Variants in STK10 observed in about 807,000 individuals in gnomAD.
STK10 encodes the protein serine/threonine-protein kinase 10.
A neutral mutation model predicts 113.8 loss-of-function variants in STK10; 78 were observed. The observed-to-expected ratio is 0.69, with a 90% CI of 0.57 to 0.83. STK10 has a LOEUF of 0.83. Among genes scored for constraint, STK10 ranks in the 40% least tolerant of loss-of-function variants. The pLI is 0.00. For synonymous variants in STK10, 465 were observed against 494.7 expected (o/e 0.94, Z 0.80); for missense variants, 1,109 against 1,280.1 (o/e 0.87, Z 2.04).
At chr5:172,138,701 A>C (rs13355465) in intron 2 of STK10, among the ~76,000 whole-genome samples, 2 of 152,154 alleles carry the variant, frequency 1.3e-5, no homozygotes, top group African/African-American at 4.8e-5. Flanking sequence ...ACTGAAAACT[A>C]TAAATTGTTG....
chr5:172,143,941 A>C (rs1453356222), intron 2 of STK10, among the ~76,000 whole-genome samples: 1 of 152,250 alleles, frequency 6.6e-6, no homozygotes, highest in Non-Finnish European at 1.5e-5. Flanking sequence ...AACAGAGATG[A>C]CAGCCAGATT....
intron 12 of STK10, among the ~76,000 whole-genome samples, chr5:172,071,285 T>TA (rs113372968): frequency 0.078 from 3,141 of 40,518 alleles, 77 homozygotes; most frequent in Non-Finnish European, 0.1. Context: ...ATGAAAAGTT[T>TA]AAAAAAAAAA....
chr5:172,088,865 G>A (rs567929978), intron 10 of STK10, among the ~76,000 whole-genome samples: 6 of 152,310 alleles, frequency 3.9e-5, no homozygotes, highest in African/African-American at 9.6e-5. Flanking sequence ...AGGGTCTCCC[G>A]AAGGAGGGCT....
chr5:172,121,906 C>G (rs914046613), intron 3 of STK10, among the ~76,000 whole-genome samples: 1 of 151,632 alleles, frequency 6.6e-6, no homozygotes, highest in Non-Finnish European at 1.5e-5. Flanking sequence ...GTCTCTGTCA[C>G]CCAGGCTGGA....
intron 10 of STK10, among the ~76,000 whole-genome samples, chr5:172,086,798 C>T (rs77300246): frequency 0.11 from 17,105 of 152,184 alleles, 1,091 homozygotes; most frequent in African/African-American, 0.16. Flanking sequence ...AATCCCGGTT[C>T]CTGCCGAGCA....
intron 7 of STK10, among the ~76,000 whole-genome samples, chr5:172,102,264 T>C (rs1278292729): frequency 1.3e-5 from 2 of 152,040 alleles, no homozygotes; most frequent in South Asian, 2.1e-4. Flanking sequence ...GATTTCCTGA[T>C]AGGTGGGCTA....
intron 1 of STK10, among the ~76,000 whole-genome samples, chr5:172,166,762 C>G (rs1225527139): frequency 1.3e-5 from 2 of 152,166 alleles, no homozygotes; most frequent in Non-Finnish European, 2.9e-5. Context: ...GAAACTGATT[C>G]AATCTTTCAA....
intron 7 of STK10, 77 bp from the exon 8 acceptor site, chr5:172,096,637 C>T (rs1768862819): frequency 1.3e-6 from 2 of 1,577,012 alleles, no homozygotes; most frequent in Non-Finnish European, 1.7e-6. Context: ...GGAGCTCACC[C>T]CCGGGGCAGA....
At chr5:172,104,729 C>T (rs1345962853) in intron 7 of STK10, among the ~76,000 whole-genome samples, 1 of 152,184 alleles carries the variant, frequency 6.6e-6, no homozygotes, top group African/African-American at 2.4e-5. Context: ...TAGGAGAGGG[C>T]TCCCACCATT....
At position 172,093,266 on chromosome 5, in the gene STK10, G is replaced by A. The variant is rs1397682331; in HGVS notation, c.1554+146C>T. ...CCATATTGAACCCAGATATTTTGGA[G>A]ATTAAACTATGAGTCAAACCCAAAA... is the stretch of plus-strand genomic sequence containing the variant. On this transcript the variant is annotated intron_variant, in intron 9 of 18. Transcript: ENST00000176763. This position sits in a 1 kb window ranked among gnomAD's most constrained non-coding sequence, Gnocchi z 4.1. 2 of 806,052 alleles carry A rather than the reference G, an allele frequency of 2.5e-6. No homozygotes were observed. The highest frequency in any genetic ancestry group is 3.4e-5 in the African/African-American group (2 of 58,088). The allele number at this position is 806,052 out of a possible 1,614,324, so 49.9% of individuals were successfully genotyped here.
intron 2 of STK10, among the ~76,000 whole-genome samples, chr5:172,129,178 G>A (rs1769693604): frequency 6.6e-6 from 1 of 152,192 alleles, no homozygotes; most frequent in Non-Finnish European, 1.5e-5. Context: ...AGCCGGGCTG[G>A]GATGCACGAA....
chr5:172,136,393 C>T (rs1215650304), intron 2 of STK10, among the ~76,000 whole-genome samples: 5 of 152,138 alleles, frequency 3.3e-5, no homozygotes, highest in Non-Finnish European at 5.9e-5. Context: ...GTCAGGAGTT[C>T]GAGACCAGCC....
chr5:172,174,592 TAAAG>T (rs1436240889), intron 1 of STK10, among the ~76,000 whole-genome samples: 2 of 151,750 alleles, frequency 1.3e-5, no homozygotes, highest in African/African-American at 4.8e-5. Context: ...GGACAGAAAA[TAAAG>T]AAGGAGAAAC....
At chr5:172,175,053 T>C (rs966201617) in intron 1 of STK10, among the ~76,000 whole-genome samples, 2 of 152,174 alleles carry the variant, frequency 1.3e-5, no homozygotes, top group African/African-American at 2.4e-5. Flanking sequence ...TCTTGCCCTG[T>C]CACCCAGACT....
chr5:172,059,499 T>C lies in STK10; in HGVS notation c.2212+1640A>G, dbSNP rs1192658280. 2.7e-5 allele frequency among the ~76,000 whole-genome samples: 4 copies of C among 150,524 alleles called. 1 individual carries two copies. Among genetic ancestry groups the C allele is most frequent in the African/African-American group, 9.8e-5 (4 of 40,904 alleles). On this transcript the variant is annotated intron_variant, in intron 14 of 18. Transcript: ENST00000176763. ...ATTTAGCCATTTGGAGCCTGCCTAC[T>C]TTGCATACCCCATGAAACTGCACCT...
At chr5:172,092,790 TA>T (rs1647968258) in intron 9 of STK10, 1 of 152,268 alleles carries the variant, frequency 6.6e-6, no homozygotes, top group Non-Finnish European at 1.5e-5. Flanking sequence ...TCCAGCTCCC[TA>T]AGAAGGAGGC....
chr5:172,173,894 G>A (rs1770706254), intron 1 of STK10, among the ~76,000 whole-genome samples: 1 of 152,330 alleles, frequency 6.6e-6, no homozygotes, highest in Admixed American at 6.5e-5. Context: ...TCGCAAAGTC[G>A]GGGCAAAGGG....
At chr5:172,144,296 C>T (rs894517104) in intron 2 of STK10, among the ~76,000 whole-genome samples, 7 of 152,232 alleles carry the variant, frequency 4.6e-5, no homozygotes, top group African/African-American at 1.4e-4. Flanking sequence ...TTTCTTCCTG[C>T]GGAAGCAGAG....
At chr5:172,128,052 C>A (rs1003546263) in intron 2 of STK10, among the ~76,000 whole-genome samples, 1 of 152,180 alleles carries the variant, frequency 6.6e-6, no homozygotes, top group Non-Finnish European at 1.5e-5. Context: ...CTACTCCACA[C>A]TGACAGGCTG....
Sources: gnomAD v4.1 joint callset for allele counts (sites outside exome capture counted in the v4.1 genomes callset) on GRCh38, gnomAD v4.1.1 for gene constraint, Gnocchi (gnomAD v3.1) non-coding constraint, MANE v1.5 for transcripts, NCBI Gene and HGNC (gene_info 2026-07-23, HGNC 2026-07-21) for gene names.